Variants in ATXN2L observed in about 807,000 individuals in gnomAD.
The protein encoded by ATXN2L is ataxin 2 like.
ATXN2L carries 24 observed loss-of-function variants against 120.7 expected under a neutral mutation model. The ratio of observed to expected loss-of-function variants is 0.20; its 90% CI spans 0.14 to 0.28. The LOEUF is 0.28. ATXN2L is among the 10% of genes least tolerant of loss of function. The pLI, the probability that ATXN2L is intolerant of heterozygous loss-of-function variation, is 1.00. For synonymous variants in ATXN2L, 653 were observed against 568.1 expected (o/e 1.15, Z -2.13); for missense variants, 1,312 against 1,432.3 (o/e 0.92, Z 1.36).
Position 28,833,399 on chromosome 16 carries a change from G to A in ATXN2L, c.1956-40G>A, listed in dbSNP as rs370294219. On this transcript the variant is annotated intron_variant, in intron 14 of 21. Coordinates refer to ENST00000336783, the MANE Select transcript of ATXN2L (RefSeq NM_007245.4). ...GCTCTGGGAGGATGGCAGGAGGGAT[G>A]AGAGCAAGCCGTGAAGATTTACTGT... 22 of 1,614,068 alleles carry A rather than the reference G, an allele frequency of 1.4e-5. No individual in the cohort carries two copies. In the African/African-American group the frequency reaches 2.1e-4, roughly 16 times the overall value.
chr16:28,829,693 C>T (rs1596908874), intron 7 of ATXN2L, 165 bp from the exon 8 acceptor site: 1 of 796,232 alleles, frequency 1.3e-6, no homozygotes, highest in Admixed American at 2.4e-5. Flanking sequence ...CCAGATAAGC[C>T]TTGGTGCTCT....
At position 28,836,523 on chromosome 16, in the gene ATXN2L, TG is replaced by T; in HGVS notation, c.*264del. On this transcript the variant is annotated 3_prime_UTR_variant, in exon 22 of 22. Coordinates refer to ENST00000336783, the MANE Select transcript of ATXN2L (RefSeq NM_007245.4). ...CAGCAGACAGGGCCAGACTGGGGTG[TG>T]GGGGGCTGAGCTGGGCACATGAGTG... The T allele has an allele frequency of 6.3e-7, 1 of 1,594,970 alleles. No homozygotes were observed.
chr16:28,830,918 C>T (rs768812542), intron 9 of ATXN2L, 44 bp from the exon 10 acceptor site: 18 of 1,492,932 alleles, frequency 1.2e-5, no homozygotes, highest in Middle Eastern at 1.8e-4. Flanking sequence ...GGTCGTCTGC[C>T]TCCTGACATT....
chr16:28,835,134 C>G lies in ATXN2L; in HGVS notation c.2510C>G (p.Ser837Cys). The G allele has an allele frequency of 5.0e-6, 8 of 1,613,930 alleles. No homozygotes were observed. The highest frequency in any genetic ancestry group is 6.8e-6 in the Non-Finnish European group (8 of 1,179,904). Reference protein sequence around the residue: ...SGSHPQAIVSSSTPQYPSAEQ... With the variant: ...SGSHPQAIVSCSTPQYPSAEQ... ...AGCCATCCCCAGGCCATCGTGTCAT[C>G]CTCTACCCCTCAGTACCCTTCTGCA... The change falls in exon 19 of 22, where the codon TCC (serine) becomes TGC (cysteine). Residue 837 changes from serine (S) to cysteine (C), a missense_variant. Ser to Cys is a moderately radical substitution (Grantham distance 112, BLOSUM62 -1). Coordinates refer to ENST00000336783, the MANE Select transcript of ATXN2L (RefSeq NM_007245.4).
At position 28,833,327 on chromosome 16, in the gene ATXN2L, A is replaced by G; in HGVS notation, c.1928A>G (p.Glu643Gly). 6.2e-7 allele frequency: 1 copy of G among 1,613,490 alleles called. No individual in the cohort carries two copies. The highest frequency in any genetic ancestry group is 8.5e-7 in the Non-Finnish European group (1 of 1,179,542). ...GSPPVGLIKGEDKDEGPVAEQ... is the reference protein window; with the variant it reads ...GSPPVGLIKGGDKDEGPVAEQ... ...CCCCCGGTGGGCCTCATCAAGGGAG[A>G]AGACAAAGATGAGGGCCCTGTTGCT... The change falls in exon 14 of 22, where the codon GAA (glutamate) becomes GGA (glycine). Residue 643 changes from glutamate (E) to glycine (G), a missense_variant. Coordinates refer to ENST00000336783, the MANE Select transcript of ATXN2L (RefSeq NM_007245.4).
In ATXN2L at chr16:28,832,489, T is replaced by C. The variant is rs1237586948; in HGVS notation, c.1517-7T>C. The C allele has an allele frequency of 1.2e-6, 2 of 1,613,710 alleles. No individual in the cohort carries two copies. The highest frequency in any genetic ancestry group is 1.7e-5 in the Admixed American group (1 of 59,996). On this transcript the variant is annotated splice_region_variant and splice_polypyrimidine_tract_variant and intron_variant, in intron 11 of 21. Transcript: ENST00000336783. Reference sequence around the variant, plus strand: ...GGACCTTTAGGCATTTCTCTTTACTTGAACAGTAAAAGAACTCTCTACCAA... The same window carrying C: ...GGACCTTTAGGCATTTCTCTTTACTCGAACAGTAAAAGAACTCTCTACCAA...
At chr16:28,826,441 G>A (rs770945986) in intron 5 of ATXN2L, 51 bp downstream of exon 5, 1 of 1,581,838 alleles carries the variant, frequency 6.3e-7, no homozygotes, top group Admixed American at 1.7e-5. Context: ...ATAGAGGACA[G>A]AGGGTAGTTT....
chr16:28,825,828 C>T lies in ATXN2L; in HGVS notation c.452C>T (p.Thr151Met). 6.2e-7 allele frequency: 1 copy of T among 1,613,436 alleles called. No individual in the cohort carries two copies. Among genetic ancestry groups the T allele is most frequent in the Non-Finnish European group, 8.5e-7 (1 of 1,179,430 alleles). ...NGTTYEGIFK[T>M]LSSKFELAVD... is the part of the protein sequence containing the mutation. The stretch of plus-strand genomic sequence containing the variant: ...ACCACTTATGAGGGTATCTTCAAGA[C>T]GCTAAGCTCAAAGGTCAGTGTACTC... The change falls in exon 4 of 22, where the codon ACG becomes ATG. Residue 151 changes from threonine to methionine, a missense_variant. Coordinates refer to ENST00000336783, the MANE Select transcript of ATXN2L (RefSeq NM_007245.4).
At chr16:28,829,532 A>G in intron 7 of ATXN2L, 40 bp downstream of exon 7, 1 of 1,403,826 alleles carries the variant, frequency 7.1e-7, no homozygotes, top group Non-Finnish European at 1.0e-6. Context: ...TGTTGGTGAT[A>G]TGGGGTCACT....
chr16:28,826,618 T>C, intron 5 of ATXN2L: 1 of 591,226 alleles, frequency 1.7e-6, no homozygotes, highest in Non-Finnish European at 2.8e-6. Context: ...TGTGTTGTGG[T>C]TCTTCATATT....
At position 28,834,534 on chromosome 16, in the gene ATXN2L, A is replaced by G. The variant is rs1959223766; in HGVS notation, c.2274A>G (p.Gln758=). Residue 758 remains glutamine (Q), a synonymous_variant, in exon 18 of 22, where the codon CAA becomes CAG. Coordinates refer to ENST00000336783, the MANE Select transcript of ATXN2L (RefSeq NM_007245.4). ...KGSLPPQRSD[Q]HQPASAPPMM... ...CCCTTCCTCCGCAGCGCTCGGACCA[A>G]CACCAGCCAGCCTCAGCCCCGCCGA... 1 of 1,610,622 alleles carries G rather than the reference A, an allele frequency of 6.2e-7. No homozygotes were observed. Among genetic ancestry groups the G allele is most frequent in the African/African-American group, 1.3e-5 (1 of 74,858 alleles).
intron 6 of ATXN2L, 33 bp from the exon 7 acceptor site, chr16:28,829,368 C>T (rs777967284): frequency 6.8e-7 from 1 of 1,467,124 alleles, no homozygotes; most frequent in Admixed American, 1.7e-5. Flanking sequence ...GCTTTTCCTG[C>T]TGGGTTTTAA....
chr16:28,829,139 A>AC (rs1208869963), intron 6 of ATXN2L, among the ~76,000 whole-genome samples: 1 of 151,962 alleles, frequency 6.6e-6, no homozygotes, highest in Non-Finnish European at 1.5e-5. Flanking sequence ...AGTAGCTAGG[A>AC]CCCCAGGCAT....
At position 28,823,372 on chromosome 16, in the gene ATXN2L, TC is replaced by T; in HGVS notation, c.116del (p.Pro39ArgfsTer99). The stretch of plus-strand genomic sequence containing the variant: ...GGCACCAGCCCTCCCAACGGCGGCC[TC>T]CCGGGGCCGCTGGCCACCTCTGCGG... ...PGGTSPPNGG[L>X]PGPLATSAAP... On this transcript the variant is annotated frameshift_variant, in exon 1 of 22. Transcript: ENST00000336783. LOFTEE classifies it high-confidence loss of function. 1 of 1,344,266 alleles carries T rather than the reference TC, an allele frequency of 7.4e-7. No homozygotes were observed. The highest frequency in any genetic ancestry group is 9.5e-7 in the Non-Finnish European group (1 of 1,050,808). The allele number at this position is 1,344,266 out of a possible 1,614,324, so 83.3% of individuals were successfully genotyped here.
rs779866515 is a variant in ATXN2L, at chr16:28,837,000, C to T, written c.*735C>T. 1.5e-5 allele frequency: 10 copies of T among 664,146 alleles called. No individual in the cohort carries two copies. The South Asian group carries it at 1.6e-4, about 10-fold the overall frequency. 41.1% of individuals were successfully genotyped at this position (664,146 alleles called of 1,614,324 possible). A position where few individuals can be genotyped will look rare whatever the true frequency, so the allele number is the denominator to read the frequency against. On this transcript the variant is annotated 3_prime_UTR_variant, in exon 22 of 22. Transcript: ENST00000336783. ...CTGCTCTGCCCCTGCCCGTCCCCAC[C>T]CAGTCTTGCCCTCCCATCCTCTCAT...
Position 28,836,432 on chromosome 16 carries a change from C to T in ATXN2L, c.*167C>T, listed in dbSNP as rs887367527. 1.9e-6 allele frequency: 3 copies of T among 1,613,400 alleles called. No homozygotes were observed. The highest frequency in any genetic ancestry group is 2.5e-6 in the Non-Finnish European group (3 of 1,179,916). On this transcript the variant is annotated 3_prime_UTR_variant, in exon 22 of 22. Coordinates refer to ENST00000336783, the MANE Select transcript of ATXN2L (RefSeq NM_007245.4). ...TCAGTTGTGATCCAGCAGCCCCCCT[C>T]CCCACTGCCTCCCCAGCTCTCAGTG...
At position 28,835,410 on chromosome 16, in the gene ATXN2L, T is replaced by TG. The variant is rs749676777; in HGVS notation, c.2685+17dup. On this transcript the variant is annotated intron_variant, in intron 20 of 21. Coordinates refer to ENST00000336783, the MANE Select transcript of ATXN2L (RefSeq NM_007245.4). ...CCCAGTCCTGTCCAGGTGCCTGCCA[T>TG]GGGGGGTGCTGAGTGGTCCTGGTGC... The TG allele has an allele frequency of 1.4e-5, 22 of 1,612,234 alleles. No homozygotes were observed. The highest frequency in any genetic ancestry group is 1.6e-5 in the Non-Finnish European group (19 of 1,179,794).
rs982521387 is a variant in ATXN2L, at chr16:28,823,164, C to G, written c.-96C>G. ...CCGCCCACGGCGGGCCCCGGCTGCCCGATCCCCCTCGCTTCCCGCGCTCTC... is the reference window on the plus strand; with the variant it reads ...CCGCCCACGGCGGGCCCCGGCTGCCGGATCCCCCTCGCTTCCCGCGCTCTC... On this transcript the variant is annotated 5_prime_UTR_variant, in exon 1 of 22. Transcript: ENST00000336783. The G allele has an allele frequency of 7.2e-6, 6 of 835,162 alleles. No homozygotes were observed. The East Asian group carries it at 1.7e-4, about 24-fold the overall frequency. 51.7% of individuals were successfully genotyped at this position (835,162 alleles called of 1,614,324 possible).
rs2055613389 is a variant in ATXN2L at position 28,834,184 on chromosome 16, T to C, written c.2145T>C (p.Pro715=). 6.2e-7 allele frequency: 1 copy of C among 1,613,830 alleles called. No homozygotes were observed. Among genetic ancestry groups the C allele is most frequent in the African/African-American group, 1.3e-5 (1 of 74,864 alleles). The change falls in exon 16 of 22, where the codon CCT becomes CCC. Residue 715 remains proline, a synonymous_variant. Coordinates refer to ENST00000336783, the MANE Select transcript of ATXN2L (RefSeq NM_007245.4). ...GCCCCCAGTACATCTCCTACATACC[T>C]CAGATCCACATGGGACCAGCTGTGC... is the stretch of plus-strand genomic sequence containing the variant. The part of the protein sequence containing the change: ...LYSPQYISYI[P]QIHMGPAVQA...
Sources: gnomAD v4.1 joint callset for allele counts (sites outside exome capture counted in the v4.1 genomes callset) on GRCh38, gnomAD v4.1.1 for gene constraint, MANE v1.5 for transcripts, NCBI Gene and HGNC (gene_info 2026-07-23, HGNC 2026-07-21) for gene names.